TUSC3: variants seen among roughly 807,000 people sequenced by gnomAD.
TUSC3 encodes dolichyl-diphosphooligosaccharide--protein glycosyltransferase subunit TUSC3.
A neutral mutation model predicts 44.8 loss-of-function variants in TUSC3; 45 were observed. The observed-to-expected ratio is 1.00, with a 90% CI of 0.79 to 1.29. The LOEUF is 1.29. Among genes scored for constraint, TUSC3 ranks in the 50% most tolerant of loss-of-function variants. TUSC3 has a pLI of 0.00. For missense variants in TUSC3, 519 were observed against 437.9 expected, an observed-to-expected ratio of 1.19 and a Z score of -1.65; for synonymous variants, 212 against 152.9, an observed-to-expected ratio of 1.39 and a Z score of -2.85.
At chr8:15,815,487 T>A in the TUSC3 span, among the ~76,000 whole-genome samples, 2 of 152,068 alleles carry the variant, frequency 1.3e-5, no homozygotes, top group African/African-American at 4.8e-5. Flanking sequence ...TATTAAAACT[T>A]CTCCAGTGGG....
chr8:15,614,287 G>A (rs1274099499), intron 1 of TUSC3, among the ~76,000 whole-genome samples: 1 of 151,864 alleles, frequency 6.6e-6, no homozygotes, highest in Non-Finnish European at 1.5e-5. Context: ...ATGCCCACTA[G>A]CCTTTATGTA....
chr8:15,488,526 C>G (rs1384482165), intron 2 of TUSC3, among the ~76,000 whole-genome samples: 3 of 151,940 alleles, frequency 2.0e-5, no homozygotes, highest in Admixed American at 2.0e-4. Context: ...TTTTTGTCAT[C>G]TTGGTAATAA....
chr8:15,639,659 A>G (rs996734263), intron 2 of TUSC3, among the ~76,000 whole-genome samples: 3 of 152,004 alleles, frequency 2.0e-5, no homozygotes, highest in Non-Finnish European at 4.4e-5. Flanking sequence ...ATTTTTAAGC[A>G]TTTATTCTTG....
rs150217725 is a variant in TUSC3, at chr8:15,431,886, T to A, written n.91+14581T>A. On this transcript the variant is annotated intron_variant and non_coding_transcript_variant, in intron 1 of 5. Transcript: ENST00000503191. Reference sequence around the variant, plus strand: ...ACTGTTAAGAAAGTCTTGAATTTTGTTCAAATGCCATTTCTGTGTCTATTA... The same window carrying A: ...ACTGTTAAGAAAGTCTTGAATTTTGATCAAATGCCATTTCTGTGTCTATTA... 7.9e-3 allele frequency among the ~76,000 whole-genome samples: 1,202 copies of A among 152,152 alleles called. 9 individuals are homozygous for A. Among genetic ancestry groups the A allele is most frequent in the Non-Finnish European group, 0.014 (946 of 67,938 alleles).
At chr8:15,431,092 A>G (rs1486485485) in intron 1 of TUSC3, among the ~76,000 whole-genome samples, 2 of 151,660 alleles carry the variant, frequency 1.3e-5, no homozygotes, top group Admixed American at 1.3e-4. Context: ...GTGGCTTTGT[A>G]ATATATTTTT....
Position 15,603,614 on chromosome 8 carries a change from A to C in TUSC3, c.139-19466A>C, listed in dbSNP as rs73665453. On this transcript the variant is annotated intron_variant, in intron 1 of 10. Transcript: ENST00000503731. ...CAATATAAAAATATGATATGGTAAT[A>C]TTTTTATGAAGAAATTTTATAACAA... 8.6e-3 allele frequency among the ~76,000 whole-genome samples: 1,299 copies of C among 151,724 alleles called. 20 individuals carry two copies. Among genetic ancestry groups the C allele is most frequent in the African/African-American group, 0.03 (1,259 of 41,504 alleles).
At chr8:15,422,250 G>A (rs1263418889) in intron 1 of TUSC3, among the ~76,000 whole-genome samples, 3 of 152,160 alleles carry the variant, frequency 2.0e-5, no homozygotes, top group Admixed American at 2.0e-4. Context: ...GAAGTAGTAA[G>A]TAAACAAATT....
chr8:15,566,629 T>TG (rs1380632524), intron 1 of TUSC3, among the ~76,000 whole-genome samples: 12 of 150,034 alleles, frequency 8.0e-5, no homozygotes, highest in Non-Finnish European at 1.2e-4. Flanking sequence ...TTGTTGTTGT[T>TG]TTTTTTTTGA....
the TUSC3 span, among the ~76,000 whole-genome samples, chr8:15,779,483 C>T: frequency 1.3e-5 from 2 of 151,456 alleles, no homozygotes; most frequent in East Asian, 2.0e-4. Flanking sequence ...GGAGTATTGA[C>T]ACCACTGTAA....
chr8:15,498,313 G>C (rs1183451079), intron 2 of TUSC3, among the ~76,000 whole-genome samples: 1 of 152,186 alleles, frequency 6.6e-6, no homozygotes, highest in Non-Finnish European at 1.5e-5. Context: ...TCATTTGATT[G>C]CTTCAATTTG....
At chr8:15,751,636 T>A (rs145974340) in intron 9 of TUSC3, among the ~76,000 whole-genome samples, 1 of 151,892 alleles carries the variant, frequency 6.6e-6, no homozygotes. Context: ...GAATGTAAAT[T>A]AATTGTCTGT....
chr8:15,764,042 G>C (rs1362256786), intron 10 of TUSC3, among the ~76,000 whole-genome samples, 161 bp from the exon 11 acceptor site: 2 of 152,002 alleles, frequency 1.3e-5, no homozygotes, highest in Non-Finnish European at 2.9e-5. Context: ...AAAGGCACTA[G>C]TTTAGAAAAA....
At chr8:15,731,724 ATTATT>A (rs1358076350) in intron 7 of TUSC3, among the ~76,000 whole-genome samples, 4 of 152,184 alleles carry the variant, frequency 2.6e-5, no homozygotes, top group Non-Finnish European at 4.4e-5. Context: ...AGTCATGCCT[ATTATT>A]TTTAATCTGG....
chr8:15,820,504 G>A, the TUSC3 span, among the ~76,000 whole-genome samples: 2 of 151,960 alleles, frequency 1.3e-5, no homozygotes, highest in South Asian at 2.1e-4. Context: ...ATTTTTAGTA[G>A]AGATGGGGTT....
At chr8:15,760,811 T>C (rs1384325011) in intron 10 of TUSC3, among the ~76,000 whole-genome samples, 6 of 152,220 alleles carry the variant, frequency 3.9e-5, no homozygotes, top group Non-Finnish European at 1.5e-5. Context: ...GGTTTAGCCA[T>C]GCTGAACACA....
intron 2 of TUSC3, among the ~76,000 whole-genome samples, chr8:15,489,794 A>G (rs1315486211): frequency 6.6e-6 from 1 of 152,180 alleles, no homozygotes; most frequent in Non-Finnish European, 1.5e-5. Context: ...GTGGCCTAAA[A>G]TAGTTTTTCA....
At chr8:15,845,869 T>C in the TUSC3 span, among the ~76,000 whole-genome samples, 6 of 152,140 alleles carry the variant, frequency 3.9e-5, no homozygotes, top group Non-Finnish European at 8.8e-5. Context: ...ATGCTGCTCA[T>C]GAAGACATAC....
At chr8:15,421,078 T>C (rs940880205) in intron 1 of TUSC3, among the ~76,000 whole-genome samples, 2 of 152,232 alleles carry the variant, frequency 1.3e-5, no homozygotes, top group East Asian at 1.9e-4. Context: ...GAATGTAACA[T>C]AGTCATGTCC....
In TUSC3 at chr8:15,765,597, C is replaced by CTA. The variant is rs1479563647; in HGVS notation, c.*1443_*1444dup. The CTA allele has an allele frequency of 6.6e-6, 1 of 151,962 alleles. No individual in the cohort carries two copies. Among genetic ancestry groups the CTA allele is most frequent in the Non-Finnish European group, 1.5e-5 (1 of 67,916 alleles). 9.4% of individuals were successfully genotyped at this position (151,962 alleles called of 1,614,324 possible). A position where few individuals can be genotyped will look rare whatever the true frequency, so the allele number is the denominator to read the frequency against. On this transcript the variant is annotated 3_prime_UTR_variant, in exon 11 of 11. Transcript: ENST00000503731. ...AATGTGTATGCTAGCAGGATGAATG[C>CTA]TATCTTTTCAAAACATAATATTCAG...
Sources: allele counts gnomAD v4.1 joint callset (sites outside exome capture counted in the v4.1 genomes callset), GRCh38; gene constraint gnomAD v4.1.1; transcripts MANE v1.5; gene names NCBI Gene and HGNC (gene_info 2026-07-23, HGNC 2026-07-21).